The following NCOA1 variants were observed in gnomAD, a reference collection of about 807,000 sequenced individuals.
NCOA1 encodes the protein nuclear receptor coactivator 1.
In NCOA1, 35 loss-of-function variants were observed where a neutral mutation model predicts 150.9. The ratio of observed to expected loss-of-function variants is 0.23; its 90% CI spans 0.18 to 0.31. The LOEUF is 0.31. NCOA1 is among the 10% of genes least tolerant of loss of function. The pLI, the probability that NCOA1 is intolerant of heterozygous loss-of-function variation, is 1.00. For missense variants in NCOA1, 1,491 were observed against 1,749.3 expected (o/e 0.85, Z 2.63); for synonymous variants, 590 against 630.0 (o/e 0.94, Z 0.95).
chr2:24,543,699 G>C (rs1385114515), intron 1 of NCOA1, among the ~76,000 whole-genome samples: 1 of 152,010 alleles, frequency 6.6e-6, no homozygotes, highest in Non-Finnish European at 1.5e-5. Context: ...AGACAGGAGA[G>C]AGAAATTGAG....
chr2:24,586,323 C>G (rs941392417), intron 3 of NCOA1, among the ~76,000 whole-genome samples: 12 of 150,302 alleles, frequency 8.0e-5, no homozygotes, highest in African/African-American at 2.9e-4. Context: ...CGGTGATGTG[C>G]GCCTGTGGTC....
intron 17 of NCOA1, among the ~76,000 whole-genome samples, chr2:24,734,568 G>T (rs1175934722): frequency 1.3e-5 from 2 of 152,144 alleles, no homozygotes; most frequent in African/African-American, 4.8e-5. Context: ...GCGTAGGCAG[G>T]AAGATTGCTT....
chr2:24,591,370 C>G (rs1260123121), intron 3 of NCOA1, among the ~76,000 whole-genome samples: 1 of 152,154 alleles, frequency 6.6e-6, no homozygotes, highest in Non-Finnish European at 1.5e-5. Flanking sequence ...GTTTCTTGAT[C>G]TCTCTGTGCC....
chr2:24,694,330 C>T (rs1451694784), intron 10 of NCOA1, among the ~76,000 whole-genome samples: 1 of 152,042 alleles, frequency 6.6e-6, no homozygotes, highest in Non-Finnish European at 1.5e-5. Flanking sequence ...TATCACTTAC[C>T]TCTCTAATTT....
At chr2:24,523,295 A>G (rs752275902) in intron 1 of NCOA1, among the ~76,000 whole-genome samples, 2 of 152,162 alleles carry the variant, frequency 1.3e-5, no homozygotes, top group African/African-American at 2.4e-5. Context: ...CCCATACATC[A>G]TGGGTACCAT....
chr2:24,727,316 A>G (rs369754087), intron 15 of NCOA1, among the ~76,000 whole-genome samples: 44 of 152,190 alleles, frequency 2.9e-4, no homozygotes, highest in African/African-American at 9.4e-4. Flanking sequence ...ACCATAATGT[A>G]TCTGGGACCT....
chr2:24,491,679 G>T (rs1394254652), intron 1 of NCOA1, among the ~76,000 whole-genome samples, 77 bp downstream of exon 1: 1 of 151,176 alleles, frequency 6.6e-6, no homozygotes, highest in African/African-American at 2.4e-5. Flanking sequence ...GAGGCCCTAG[G>T]GGGCGGGGAG....
intron 11 of NCOA1, among the ~76,000 whole-genome samples, chr2:24,702,511 CTT>C (rs1182288725): frequency 6.6e-6 from 1 of 152,122 alleles, no homozygotes; most frequent in East Asian, 1.9e-4. Flanking sequence ...AACCCAAAAA[CTT>C]TGCTTCTACA....
intron 12 of NCOA1, 33 bp downstream of exon 12, chr2:24,705,266 A>C (rs766446094): frequency 5.0e-6 from 8 of 1,601,896 alleles, no homozygotes; most frequent in East Asian, 2.2e-5. Flanking sequence ...CATATGAAAT[A>C]AGCCAGTTCA....
At chr2:24,645,853 A>G (rs1670448500) in intron 4 of NCOA1, among the ~76,000 whole-genome samples, 1 of 152,220 alleles carries the variant, frequency 6.6e-6, no homozygotes, top group Admixed American at 6.5e-5. Context: ...CTAAGGAGCA[A>G]TAAATGAATT....
At chr2:24,738,786 ATGTTCTTTAGCAT>A (rs1268011481) in intron 17 of NCOA1, among the ~76,000 whole-genome samples, 1 of 152,216 alleles carries the variant, frequency 6.6e-6, no homozygotes, top group Non-Finnish European at 1.5e-5. Context: ...CTGCAGAACA[ATGTTCTTTAGCAT>A]TGTTCTTTAG....
At chr2:24,647,065 G>C (rs1020275062) in intron 4 of NCOA1, among the ~76,000 whole-genome samples, 1 of 152,020 alleles carries the variant, frequency 6.6e-6, no homozygotes, top group African/African-American at 2.4e-5. Context: ...TGTGATGTTT[G>C]GACTAAGGAT....
At chr2:24,615,034 C>T (rs544694115) in intron 3 of NCOA1, among the ~76,000 whole-genome samples, 1 of 152,146 alleles carries the variant, frequency 6.6e-6, no homozygotes, top group Admixed American at 6.5e-5. Flanking sequence ...TAGTGGGTAG[C>T]AGAATTGTTA....
chr2:24,588,036 C>T (rs985391191), intron 3 of NCOA1, among the ~76,000 whole-genome samples: 2 of 152,240 alleles, frequency 1.3e-5, no homozygotes, highest in African/African-American at 4.8e-5. Context: ...TGGGACTCTG[C>T]AGTTGGCTTC....
At chr2:24,684,863 A>G (rs914323938) in intron 8 of NCOA1, among the ~76,000 whole-genome samples, 6 of 152,218 alleles carry the variant, frequency 3.9e-5, no homozygotes, top group Non-Finnish European at 8.8e-5. Context: ...CTAACTTAGA[A>G]AAGCCAATAG....
At chr2:24,514,180 C>T (rs891302713) in intron 1 of NCOA1, among the ~76,000 whole-genome samples, 7 of 144,740 alleles carry the variant, frequency 4.8e-5, no homozygotes, top group Admixed American at 7.1e-5. Flanking sequence ...CCCAGCTACT[C>T]GGGAGGCTGA....
chr2:24,662,005 A>G (rs1024184284), intron 5 of NCOA1, among the ~76,000 whole-genome samples: 5 of 152,202 alleles, frequency 3.3e-5, no homozygotes, highest in Non-Finnish European at 5.9e-5. Flanking sequence ...TGAAAGTACC[A>G]TCTCCTTGAG....
At chr2:24,689,165 C>A (rs1672546316) in intron 8 of NCOA1, among the ~76,000 whole-genome samples, 1 of 152,088 alleles carries the variant, frequency 6.6e-6, no homozygotes, top group African/African-American at 2.4e-5. Context: ...ATGCCCCCAG[C>A]TTTGTTCTTT....
chr2:24,611,294 G>A (rs572963106), intron 3 of NCOA1, among the ~76,000 whole-genome samples: 23 of 152,222 alleles, frequency 1.5e-4, no homozygotes, highest in Middle Eastern at 3.4e-3. Context: ...TTCTTTTACA[G>A]CTGCATAATA....
Sources: gnomAD v4.1 joint callset for allele counts (sites outside exome capture counted in the v4.1 genomes callset) on GRCh38, gnomAD v4.1.1 for gene constraint, MANE v1.5 for transcripts, NCBI Gene and HGNC (gene_info 2026-07-23, HGNC 2026-07-21) for gene names.